ARID2: variants seen among roughly 807,000 people sequenced by gnomAD.
ARID2 encodes the protein AT-rich interaction domain 2.
In ARID2, 32 loss-of-function variants were observed where a neutral mutation model predicts 184.6. The observed-to-expected ratio is 0.17, with a 90% CI of 0.13 to 0.23. ARID2 has a LOEUF of 0.23. Among genes scored for constraint, ARID2 ranks in the 10% least tolerant of loss-of-function variants. ARID2 has a pLI of 1.00. For synonymous variants in ARID2, 836 were observed against 772.6 expected (o/e 1.08, Z -1.36); for missense variants, 1,696 against 2,197.6 (o/e 0.77, Z 4.56).
chr12:45,775,801 T>C (rs999981845), intron 3 of ARID2, among the ~76,000 whole-genome samples: 1 of 152,216 alleles, frequency 6.6e-6, no homozygotes, highest in African/African-American at 2.4e-5. Context: ...ATCTTTTCAT[T>C]TTATAAGTTA....
chr12:45,867,542 A>C (rs1043468041), intron 16 of ARID2, among the ~76,000 whole-genome samples: 1 of 151,126 alleles, frequency 6.6e-6, no homozygotes, highest in Non-Finnish European at 1.5e-5. Flanking sequence ...GGAGATCGAG[A>C]CCATCCTGGC....
chr12:45,785,650 C>T (rs1382484173), intron 3 of ARID2, among the ~76,000 whole-genome samples: 1 of 152,100 alleles, frequency 6.6e-6, no homozygotes, highest in African/African-American at 2.4e-5. Context: ...AGGAAATGCT[C>T]ATTGGAGTAT....
intron 16 of ARID2, among the ~76,000 whole-genome samples, chr12:45,884,610 T>G (rs895389274): frequency 1.3e-5 from 2 of 151,964 alleles, no homozygotes; most frequent in Non-Finnish European, 2.9e-5. Flanking sequence ...GACCGGCGGG[T>G]TAATAGCACT....
At chr12:45,744,191 T>C (rs1255155937) in intron 3 of ARID2, among the ~76,000 whole-genome samples, 2 of 152,206 alleles carry the variant, frequency 1.3e-5, no homozygotes, top group Admixed American at 6.5e-5. Context: ...TGACCTTAGT[T>C]TGATGCTTCT....
In ARID2 at chr12:45,850,077, A is replaced by C; in HGVS notation, c.1954A>C (p.Arg652=). The part of the protein sequence containing the change: ...GSQTIGNHFQ[R]TPVANQSSNL... ...ACAAACCATAGGAAACCATTTTCAG[A>C]GGACTCCTGTTGCCAACCAATCTTC... Residue 652 remains arginine, a synonymous_variant, in exon 15 of 21, where the codon AGG becomes CGG. Transcript: ENST00000334344. 6.2e-7 allele frequency: 1 copy of C among 1,613,866 alleles called. No homozygotes were observed. The highest frequency in any genetic ancestry group is 8.5e-7 in the Non-Finnish European group (1 of 1,179,868).
At chr12:45,860,259 A>G (rs1378999535) in intron 15 of ARID2, among the ~76,000 whole-genome samples, 2 of 152,228 alleles carry the variant, frequency 1.3e-5, no homozygotes, top group African/African-American at 4.8e-5. Context: ...AGCAACTTCA[A>G]AATCTAAAAT....
At chr12:45,762,287 C>T (rs565898228) in intron 3 of ARID2, among the ~76,000 whole-genome samples, 7 of 152,228 alleles carry the variant, frequency 4.6e-5, no homozygotes, top group South Asian at 4.2e-4. Flanking sequence ...GGACATACAC[C>T]GAGCTCAGCC....
At chr12:45,896,661 C>G (rs1458174334) in intron 20 of ARID2, among the ~76,000 whole-genome samples, 1 of 152,132 alleles carries the variant, frequency 6.6e-6, no homozygotes, top group East Asian at 1.9e-4. Flanking sequence ...TTGGGTATGT[C>G]TTTATCAGCA....
intron 16 of ARID2, among the ~76,000 whole-genome samples, chr12:45,871,319 A>G (rs866881051): frequency 1.3e-5 from 2 of 152,162 alleles, no homozygotes; most frequent in East Asian, 3.8e-4. Context: ...AGCTTTTGGC[A>G]TGAGTAGATA....
intron 20 of ARID2, among the ~76,000 whole-genome samples, chr12:45,894,230 C>T (rs970880756): frequency 1.7e-4 from 26 of 152,252 alleles, no homozygotes; most frequent in Middle Eastern, 3.4e-3. Context: ...AGGGATAACT[C>T]ATTAATTCGT....
At chr12:45,839,670 G>A in intron 11 of ARID2, 174 bp downstream of exon 11, 1 of 606,214 alleles carries the variant, frequency 1.6e-6, no homozygotes, top group Non-Finnish European at 2.6e-6. Context: ...AGGAGTAGCA[G>A]GATCAAGGTG....
In ARID2 at chr12:45,855,994, G is replaced by A. The variant is rs193192744; in HGVS notation, c.4773+3098G>A. 1.4e-3 allele frequency among the ~76,000 whole-genome samples: 211 copies of A among 151,320 alleles called. 1 individual carries two copies. Among genetic ancestry groups the A allele is most frequent in the East Asian group, 5.8e-4 (3 of 5,140 alleles). ...GATCCCCGCGCCTTGGCCTCCCAAA[G>A]TGCTGAGATTATAGGTGTGAGCCAA... On this transcript the variant is annotated intron_variant, in intron 15 of 20. Coordinates refer to ENST00000334344, the MANE Select transcript of ARID2 (RefSeq NM_152641.4).
At chr12:45,808,920 A>T (rs1046766375) in intron 3 of ARID2, among the ~76,000 whole-genome samples, 1 of 152,048 alleles carries the variant, frequency 6.6e-6, no homozygotes, top group African/African-American at 2.4e-5. Context: ...GTGCGCCACC[A>T]CATCCAGCTA....
At chr12:45,792,971 A>G (rs968293318) in intron 3 of ARID2, among the ~76,000 whole-genome samples, 1 of 152,118 alleles carries the variant, frequency 6.6e-6, no homozygotes, top group African/African-American at 2.4e-5. Context: ...TAGTCTGTTT[A>G]TATTTAATAT....
intron 3 of ARID2, among the ~76,000 whole-genome samples, chr12:45,777,245 A>G (rs1942002127): frequency 6.6e-6 from 1 of 152,160 alleles, no homozygotes; most frequent in Admixed American, 6.5e-5. Flanking sequence ...AGTTCATAGT[A>G]TAGTATATAT....
Position 45,851,625 on chromosome 12 carries a change from T to C in ARID2, c.3502T>C (p.Ser1168Pro). 2 of 1,614,178 alleles carry C rather than the reference T, an allele frequency of 1.2e-6. No individual in the cohort carries two copies. Among genetic ancestry groups the C allele is most frequent in the Non-Finnish European group, 1.7e-6 (2 of 1,180,006 alleles). Reference sequence around the variant, plus strand: ...CCCAGCAACCATTTTCCAAGGGACTTCTGGCAACCAGGTAACCATAACAGT... The same window carrying C: ...CCCAGCAACCATTTTCCAAGGGACTCCTGGCAACCAGGTAACCATAACAGT... Reference protein sequence around the residue: ...NSPATIFQGTSGNQVTITVVP... With the variant: ...NSPATIFQGTPGNQVTITVVP... The change falls in exon 15 of 21, where the codon TCT becomes CCT. Residue 1168 changes from serine (S) to proline (P), a missense_variant. Physicochemically the swap from Ser to Pro is moderately conservative, Grantham distance 74 (BLOSUM62 -1). Around this residue, in one of 11 missense-constraint regions of ARID2, gnomAD observed 12 missense variants for 28.6 expected, o/e 0.42. Transcript: ENST00000334344.
At chr12:45,776,687 T>G (rs1435671434) in intron 3 of ARID2, among the ~76,000 whole-genome samples, 2 of 151,756 alleles carry the variant, frequency 1.3e-5, no homozygotes, top group Non-Finnish European at 2.9e-5. Flanking sequence ...TGGTGGATCA[T>G]GCCTATAATC....
At chr12:45,736,062 A>C (rs1941111907) in intron 3 of ARID2, among the ~76,000 whole-genome samples, 1 of 152,234 alleles carries the variant, frequency 6.6e-6, no homozygotes, top group Admixed American at 6.5e-5. Flanking sequence ...TCTTTGATAG[A>C]CAAGTATATT....
intron 3 of ARID2, among the ~76,000 whole-genome samples, chr12:45,791,500 G>T (rs1565597291): frequency 6.6e-6 from 1 of 152,064 alleles, no homozygotes; most frequent in African/African-American, 2.4e-5. Flanking sequence ...CTATTAATAT[G>T]TGTGATTTGG....
Sources: gnomAD v4.1 joint callset for allele counts (sites outside exome capture counted in the v4.1 genomes callset) on GRCh38, gnomAD v4.1.1 for gene constraint, gnomAD v4.1.1 regional missense constraint, MANE v1.5 for transcripts, NCBI Gene and HGNC (gene_info 2026-07-23, HGNC 2026-07-21) for gene names.